The following CHD2 variants were observed in gnomAD, a reference collection of about 807,000 sequenced individuals.
CHD2 encodes chromodomain helicase DNA binding protein 2.
Under a neutral mutation model 243.9 loss-of-function variants are expected in CHD2, and 28 were observed. The ratio of observed to expected loss-of-function variants is 0.11; its 90% CI spans 0.09 to 0.16. The LOEUF (loss-of-function observed/expected upper bound fraction) is 0.16. CHD2 is among the 10% of genes least tolerant of loss of function. CHD2 has a pLI of 1.00. For synonymous variants in CHD2, 775 were observed against 779.0 expected, an observed-to-expected ratio of 0.99 and a Z score of 0.09; for missense variants, 1,386 against 2,209.8, an observed-to-expected ratio of 0.63 and a Z score of 7.47.
At chr15:92,941,008 A>T (rs1323276742) in intron 7 of CHD2, among the ~76,000 whole-genome samples, 8 of 130,640 alleles carry the variant, frequency 6.1e-5, no homozygotes, top group East Asian at 4.2e-4. Flanking sequence ...TATATATATA[A>T]TTTTTTTTTT....
intron 2 of CHD2, among the ~76,000 whole-genome samples, chr15:92,911,057 A>G (rs533328301): frequency 6.6e-6 from 1 of 152,216 alleles, no homozygotes; most frequent in East Asian, 1.9e-4. Flanking sequence ...TTATGGGATC[A>G]CTGTTGTATA....
intron 16 of CHD2, among the ~76,000 whole-genome samples, chr15:92,961,994 G>T (rs1177863123): frequency 7.1e-6 from 1 of 140,466 alleles, no homozygotes; most frequent in Non-Finnish European, 1.5e-5. Flanking sequence ...TGATTATCCT[G>T]CCTCAGCCTC....
At chr15:92,971,297 C>G (rs931703670) in intron 17 of CHD2, among the ~76,000 whole-genome samples, 1 of 152,176 alleles carries the variant, frequency 6.6e-6, no homozygotes, top group South Asian at 2.1e-4. Context: ...ATGAGAATTT[C>G]CTTTGAGCGT....
At chr15:92,905,102 G>T (rs1329026626) in intron 2 of CHD2, 3 of 1,072,208 alleles carry the variant, frequency 2.8e-6, no homozygotes, top group Non-Finnish European at 4.0e-6. Flanking sequence ...TTAAAAAGTG[G>T]CAGAATACAG....
chr15:92,948,926 C>G, intron 12 of CHD2, 26 bp from the exon 13 acceptor site: 2 of 1,601,672 alleles, frequency 1.2e-6, no homozygotes, highest in Non-Finnish European at 1.7e-6. Flanking sequence ...AGAACATTTT[C>G]TCAGACTTGG....
At chr15:92,908,614 C>A (rs2052667026) in intron 2 of CHD2, among the ~76,000 whole-genome samples, 1 of 152,178 alleles carries the variant, frequency 6.6e-6, no homozygotes, top group Non-Finnish European at 1.5e-5. Context: ...GTTTTCAAAT[C>A]TTCTGATGGA....
At chr15:92,909,555 G>GT (rs1451185368) in intron 2 of CHD2, among the ~76,000 whole-genome samples, 1 of 152,142 alleles carries the variant, frequency 6.6e-6, no homozygotes, top group African/African-American at 2.4e-5. Context: ...CCTCGTGGTG[G>GT]TATTATAGAT....
intron 7 of CHD2, 75 bp from the exon 8 acceptor site, chr15:92,941,747 C>G (rs1267605097): frequency 1.5e-5 from 21 of 1,432,450 alleles, no homozygotes; most frequent in Admixed American, 2.1e-5. Context: ...GTTTCTTATT[C>G]TAGTGACGGT....
chr15:92,915,247 G>A (rs926716526), intron 2 of CHD2, among the ~76,000 whole-genome samples: 5 of 151,982 alleles, frequency 3.3e-5, no homozygotes, highest in Non-Finnish European at 7.4e-5. Flanking sequence ...CAGAAATTAA[G>A]AATTCAGAAA....
At position 93,014,963 on chromosome 15, in the gene CHD2, AC is replaced by A. The variant is rs1483199521; in HGVS notation, c.4906+55del. ...AGGTGCCAAAAGATAAAAAATTCACACAGCCGTTTCATTTTCCAAAGACACT... is the reference window on the plus strand; with the variant it reads ...AGGTGCCAAAAGATAAAAAATTCACAAGCCGTTTCATTTTCCAAAGACACT... On this transcript the variant is annotated intron_variant, in intron 37 of 38. Transcript: ENST00000394196. 7 of 1,445,804 alleles carry A rather than the reference AC, an allele frequency of 4.8e-6. No individual in the cohort carries two copies. The African/African-American group carries it at 9.8e-5, about 20-fold the overall frequency. 89.6% of individuals were successfully genotyped at this position (1,445,804 alleles called of 1,614,324 possible).
chr15:92,906,413 T>C lies in CHD2; in HGVS notation c.62+5114T>C, dbSNP rs146599440. On this transcript the variant is annotated intron_variant, in intron 2 of 38. Transcript: ENST00000394196. ...TTTTGGTTGTGACAGTTGTAGCAAG[T>C]TATTGCTTGAGGAGTGAATCTGGAA... Among the ~76,000 whole-genome samples, 47 of 152,320 alleles carry C rather than the reference T, an allele frequency of 3.1e-4. 3 individuals carry two copies. In the East Asian group the frequency reaches 9.1e-3, roughly 29 times the overall value.
intron 2 of CHD2, among the ~76,000 whole-genome samples, chr15:92,906,239 C>T (rs1434620466): frequency 1.3e-5 from 2 of 152,114 alleles, no homozygotes; most frequent in South Asian, 2.1e-4. Context: ...GAGTGTTGAT[C>T]GATTTCTCTC....
chr15:92,908,553 T>G (rs953443434), intron 2 of CHD2, among the ~76,000 whole-genome samples: 4 of 152,216 alleles, frequency 2.6e-5, no homozygotes, highest in African/African-American at 9.6e-5. Context: ...TTAAAAGCTC[T>G]CTGTGTTTCA....
intron 26 of CHD2, among the ~76,000 whole-genome samples, chr15:92,988,916 A>G (rs76648623): frequency 6.6e-6 from 1 of 151,416 alleles, no homozygotes; most frequent in Non-Finnish European, 1.5e-5. Flanking sequence ...TCTTGTAAAT[A>G]TTTATAATAG....
At position 93,000,527 on chromosome 15, in the gene CHD2, C is replaced by T. The variant is rs374407665; in HGVS notation, c.4024C>T (p.Arg1342Trp). ...CCTTTTCCAGGCCAAATTAAAGAAG[C>T]GGAAGCCTCGGGTAAAGAAGGAAAA... The part of the protein sequence containing the change: ...TGGEEAKLKK[R>W]KPRVKKENKV... Residue 1342 changes from arginine to tryptophan, a missense_variant, in exon 32 of 39, where the codon CGG becomes TGG. Arg to Trp is a moderately radical substitution (Grantham distance 101, BLOSUM62 -3). Coordinates refer to ENST00000394196, the MANE Select transcript of CHD2 (RefSeq NM_001271.4). 14 of 1,608,972 alleles carry T rather than the reference C, an allele frequency of 8.7e-6. No homozygotes were observed. Among genetic ancestry groups the T allele is most frequent in the Non-Finnish European group, 1.1e-5 (13 of 1,177,902 alleles).
intron 5 of CHD2, among the ~76,000 whole-genome samples, chr15:92,933,583 G>A (rs1176126423): frequency 6.6e-6 from 1 of 151,932 alleles, no homozygotes; most frequent in East Asian, 1.9e-4. Flanking sequence ...GATTTTTGTT[G>A]ACTTCTGGTC....
intron 33 of CHD2, among the ~76,000 whole-genome samples, chr15:93,003,012 G>A (rs904094862): frequency 4.6e-5 from 7 of 152,138 alleles, no homozygotes; most frequent in Non-Finnish European, 8.8e-5. Context: ...GGCTGTTTGG[G>A]TAGTTTTTCC....
intron 6 of CHD2, among the ~76,000 whole-genome samples, chr15:92,938,000 G>C (rs984402129): frequency 6.6e-6 from 1 of 152,208 alleles, no homozygotes; most frequent in African/African-American, 2.4e-5. Context: ...TGATTGTGTA[G>C]AGAAGGAGGT....
intron 37 of CHD2, among the ~76,000 whole-genome samples, chr15:93,019,576 A>G (rs1023946240): frequency 6.6e-6 from 1 of 152,232 alleles, no homozygotes. Flanking sequence ...AGTAGTGCTT[A>G]CTTCAGCAGC....
Sources: allele counts gnomAD v4.1 joint callset (sites outside exome capture counted in the v4.1 genomes callset), GRCh38; gene constraint gnomAD v4.1.1; transcripts MANE v1.5; gene names NCBI Gene and HGNC (gene_info 2026-07-23, HGNC 2026-07-21).